Variants in SFR1 observed in about 807,000 individuals in gnomAD.
The protein encoded by SFR1 is swi5-dependent recombination DNA repair protein 1 homolog.
A neutral mutation model predicts 26.2 loss-of-function variants in SFR1; 24 were observed. That is an observed-to-expected ratio of 0.92 (90% CI 0.66 to 1.29). SFR1 has a LOEUF of 1.29. Among genes scored for constraint, SFR1 ranks in the 50% most tolerant of loss-of-function variants. The pLI, the probability that SFR1 is intolerant of heterozygous loss-of-function variation, is 0.00. For missense variants in SFR1, 276 were observed against 270.2 expected (o/e 1.02, Z -0.15); for synonymous variants, 77 against 96.6 (o/e 0.80, Z 1.19).
chr10:104,123,271 A>G (rs939455978), intron 2 of SFR1, 185 bp downstream of exon 2: 18 of 508,934 alleles, frequency 3.5e-5, no homozygotes, highest in Non-Finnish European at 5.4e-5. Context: ...GCCCCCTTCC[A>G]TATTTTCCTC....
intron 3 of SFR1, 61 bp downstream of exon 3, chr10:104,124,185 A>G: frequency 2.2e-6 from 3 of 1,381,714 alleles, no homozygotes; most frequent in Non-Finnish European, 2.9e-6. Flanking sequence ...CAGGAAAGTA[A>G]TTTCAAAAAT....
At chr10:104,122,147 G>C, upstream of SFR1, 2 of 1,546,804 alleles carry the variant, frequency 1.3e-6, no homozygotes, top group Non-Finnish European at 8.7e-7. Context: ...ATCGATTTAC[G>C]GCCGCAGGTG....
intron 2 of SFR1, 66 bp from the exon 3 acceptor site, chr10:104,123,647 TG>T: frequency 7.7e-7 from 1 of 1,304,158 alleles, no homozygotes; most frequent in Non-Finnish European, 1.0e-6. Flanking sequence ...ACTTTATTTC[TG>T]GTGATTTATT....
At chr10:104,124,640 T>C (rs2087006132) in intron 3 of SFR1, among the ~76,000 whole-genome samples, 1 of 151,636 alleles carries the variant, frequency 6.6e-6, no homozygotes, top group Non-Finnish European at 1.5e-5. Context: ...AGAATAATCT[T>C]TATTACCTGG....
chr10:104,124,020 C>T lies in SFR1; in HGVS notation c.442C>T (p.Pro148Ser), dbSNP rs779258407. The part of the protein sequence containing the change: ...LQNEFVSEKL[P>S]KQRLNAEKAK... ...AAATGAGTTTGTGAGTGAGAAGCTTCCTAAACAAAGATTAAACGCTGAAAA... is the reference window on the plus strand; with the variant it reads ...AAATGAGTTTGTGAGTGAGAAGCTTTCTAAACAAAGATTAAACGCTGAAAA... The change falls in exon 3 of 4, where the codon CCT becomes TCT. Residue 148 changes from proline (P) to serine (S), a missense_variant. Physicochemically the swap from Pro to Ser is moderately conservative, Grantham distance 74 (BLOSUM62 -1). Coordinates refer to ENST00000369727, the MANE Select transcript of SFR1 (RefSeq NM_001002759.2). 1.2e-6 allele frequency: 2 copies of T among 1,613,954 alleles called. No individual in the cohort carries two copies. The highest frequency in any genetic ancestry group is 1.1e-5 in the South Asian group (1 of 91,078).
At position 104,125,694 on chromosome 10, in the gene SFR1, T is replaced by C; in HGVS notation, c.728T>C (p.Ile243Thr). ...LHYNRSEEEF[I>T]DV ...TATAACAGAAGTGAAGAAGAATTTA[T>C]AGATGTTTAATTCCTGATTTTTGCT... The change falls in exon 4 of 4, where the codon ATA becomes ACA. Residue 243 changes from isoleucine to threonine, a missense_variant. By Grantham distance (89) the Ile-to-Thr change is moderately conservative (BLOSUM62 -1). Coordinates refer to ENST00000369727, the MANE Select transcript of SFR1 (RefSeq NM_001002759.2). The C allele has an allele frequency of 6.3e-7, 1 of 1,584,636 alleles. No homozygotes were observed. The highest frequency in any genetic ancestry group is 8.6e-7 in the Non-Finnish European group (1 of 1,162,388).
Position 104,125,721 on chromosome 10 carries a change from C to T in SFR1, c.*17C>T, listed in dbSNP as rs1207708941. ...GATGTTTAATTCCTGATTTTTGCTC[C>T]AGAATATCTTTGAGAATGACAACTT... On this transcript the variant is annotated 3_prime_UTR_variant, in exon 4 of 4. Transcript: ENST00000369727. 4.6e-6 allele frequency: 7 copies of T among 1,521,438 alleles called. No individual in the cohort carries two copies. Among genetic ancestry groups the T allele is most frequent in the Non-Finnish European group, 6.3e-6 (7 of 1,116,732 alleles). The allele number at this position is 1,521,438 out of a possible 1,614,324, so 94.2% of individuals were successfully genotyped here. A position where few individuals can be genotyped will look rare whatever the true frequency, so the allele number is the denominator to read the frequency against.
chr10:104,122,304 C>T (rs915682472), intron 1 of SFR1, 108 bp downstream of exon 1: 2 of 1,422,074 alleles, frequency 1.4e-6, no homozygotes, highest in Non-Finnish European at 1.8e-6. Context: ...TCAACCTCAC[C>T]TTATGCCTGG....
At chr10:104,122,650 T>C in intron 1 of SFR1, 1 of 1,320,254 alleles carries the variant, frequency 7.6e-7, no homozygotes, top group Non-Finnish European at 9.7e-7. Flanking sequence ...GAATTCCTGA[T>C]TATCTAAAGC....
chr10:104,122,321 CGGGGAACTA>C (rs1037785597), intron 1 of SFR1, 125 bp downstream of exon 1: 1 of 1,398,172 alleles, frequency 7.2e-7, no homozygotes, highest in Non-Finnish European at 9.3e-7. Flanking sequence ...CTGGGGTCTC[CGGGGAACTA>C]GTGGGCTTTC....
chr10:104,120,960 A>T (rs1939642150), upstream of SFR1, among the ~76,000 whole-genome samples: 1 of 152,198 alleles, frequency 6.6e-6, no homozygotes, highest in Admixed American at 6.5e-5. Context: ...ATTCAATAAG[A>T]GGACTGAAAA....
At chr10:104,122,065 C>A, upstream of SFR1, 1 of 1,242,866 alleles carries the variant, frequency 8.0e-7, no homozygotes. Context: ...TGAAGCGGCG[C>A]CTCGCGCGTC....
chr10:104,121,948 A>C, upstream of SFR1: 1 of 464,926 alleles, frequency 2.2e-6, no homozygotes, highest in Non-Finnish European at 3.8e-6. Flanking sequence ...CGCACCGGTT[A>C]ATTCTGCCAA....
In SFR1 at chr10:104,125,591, G is replaced by T; in HGVS notation, c.625G>T (p.Ala209Ser). Residue 209 changes from alanine (A) to serine (S), a missense_variant, in exon 4 of 4, where the codon GCT becomes TCT. Transcript: ENST00000369727. ...GCTCTTGCTTTATGAGTTGCAGTCA[G>T]CTGTGTCTGAAGAGAACAAGAAACT... The part of the protein sequence containing the change: ...SQLLLYELQS[A>S]VSEENKKLSL... 1 of 1,613,758 alleles carries T rather than the reference G, an allele frequency of 6.2e-7. No individual in the cohort carries two copies. Among genetic ancestry groups the T allele is most frequent in the South Asian group, 1.1e-5 (1 of 91,070 alleles).
At position 104,122,948 on chromosome 10, in the gene SFR1, TA is replaced by T. The variant is rs1381744814; in HGVS notation, c.14-15del. 4.3e-6 allele frequency: 7 copies of T among 1,610,602 alleles called. No individual in the cohort carries two copies. Among genetic ancestry groups the T allele is most frequent in the Admixed American group, 1.7e-5 (1 of 59,990 alleles). On this transcript the variant is annotated splice_polypyrimidine_tract_variant and intron_variant, in intron 1 of 3. Transcript: ENST00000369727. ...AGGTGTGGTTAATTCGATTATTTTATAATTTTTCTTTTTTAGAGAAAAACCA... is the reference window on the plus strand; with the variant it reads ...AGGTGTGGTTAATTCGATTATTTTATATTTTTCTTTTTTAGAGAAAAACCA...
At chr10:104,122,134 A>G (rs1369644574), upstream of SFR1, 1 of 1,546,378 alleles carries the variant, frequency 6.5e-7, no homozygotes, top group Non-Finnish European at 8.7e-7. Flanking sequence ...CCCCTGCCAC[A>G]GGATCGATTT....
rs2087021727 is a variant in SFR1 at position 104,125,873 on chromosome 10, C to G, written c.*169C>G. On this transcript the variant is annotated 3_prime_UTR_variant, in exon 4 of 4. Coordinates refer to ENST00000369727, the MANE Select transcript of SFR1 (RefSeq NM_001002759.2). ...CTCTGCCTCTCGGGTTCCAGCAATTCTCCTGCCTCAGCCTCCCGAGTAGCT... is the reference window on the plus strand; with the variant it reads ...CTCTGCCTCTCGGGTTCCAGCAATTGTCCTGCCTCAGCCTCCCGAGTAGCT... 2.1e-6 allele frequency: 1 copy of G among 470,192 alleles called. No homozygotes were observed. Among genetic ancestry groups the G allele is most frequent in the Admixed American group, 3.7e-5 (1 of 26,722 alleles). 29.1% of individuals were successfully genotyped at this position (470,192 alleles called of 1,614,324 possible).
chr10:104,123,936 A>G lies in SFR1; in HGVS notation c.358A>G (p.Lys120Glu), dbSNP rs1305433923. The G allele has an allele frequency of 6.2e-7, 1 of 1,613,452 alleles. No homozygotes were observed. The highest frequency in any genetic ancestry group is 1.3e-5 in the African/African-American group (1 of 74,872). The change falls in exon 3 of 4, where the codon AAG (lysine) becomes GAG (glutamate). Residue 120 changes from lysine to glutamate, a missense_variant. By Grantham distance (56) the Lys-to-Glu change is moderately conservative (BLOSUM62 1). Coordinates refer to ENST00000369727, the MANE Select transcript of SFR1 (RefSeq NM_001002759.2). ...AAATACAAATTTGAAAAATACTTTG[A>G]AGAATCTCAATGTCTGTGAATCTCA... ...EENTNLKNTL[K>E]NLNVCESQSL...
At chr10:104,121,704 G>C (rs1415801610), upstream of SFR1, among the ~76,000 whole-genome samples, 1 of 152,214 alleles carries the variant, frequency 6.6e-6, no homozygotes, top group Non-Finnish European at 1.5e-5. Context: ...GCGGGCTGGC[G>C]GGGGTGGGGA....
Sources: allele counts gnomAD v4.1 joint callset (sites outside exome capture counted in the v4.1 genomes callset), GRCh38; gene constraint gnomAD v4.1.1; transcripts MANE v1.5; gene names NCBI Gene and HGNC (gene_info 2026-07-23, HGNC 2026-07-21).